ZCRB1: variants seen among roughly 807,000 people sequenced by gnomAD.
The protein encoded by ZCRB1 is zinc finger CCHC-type and RNA-binding motif-containing protein 1.
Under a neutral mutation model 29.9 loss-of-function variants are expected in ZCRB1, and 21 were observed. The ratio of observed to expected loss-of-function variants is 0.70; its 90% CI spans 0.50 to 1.01. The LOEUF (loss-of-function observed/expected upper bound fraction) is 1.01, where lower values mean the gene tolerates loss of function less well. Ranked by LOEUF, ZCRB1 falls within the 50% of genes least tolerant of loss-of-function variation. The probability of loss-of-function intolerance (pLI) is 0.00; values close to 1 mark genes in which losing one functional copy is unlikely to be tolerated. For synonymous variants in ZCRB1, 77 were observed against 80.0 expected (o/e 0.96, Z 0.20); for missense variants, 204 against 253.3 (o/e 0.81, Z 1.32).
intron 1 of ZCRB1, 172 bp downstream of exon 1, chr12:42,325,752 G>A (rs965330139): frequency 5.3e-5 from 8 of 152,224 alleles, no homozygotes; most frequent in Admixed American, 1.3e-4. Flanking sequence ...CGCTTTTTAA[G>A]TTTCTCATTT....
chr12:42,313,434 A>C (rs1004464708), intron 7 of ZCRB1, among the ~76,000 whole-genome samples: 2 of 152,150 alleles, frequency 1.3e-5, no homozygotes, highest in Non-Finnish European at 2.9e-5. Context: ...ATTCACTTTG[A>C]GCAAATAGTT....
chr12:42,317,208 TA>T, intron 5 of ZCRB1, 131 bp downstream of exon 5: 1 of 624,386 alleles, frequency 1.6e-6, no homozygotes, highest in Admixed American at 3.5e-5. Context: ...CTCAAAAAAA[TA>T]AATATTAAAA....
intron 3 of ZCRB1, among the ~76,000 whole-genome samples, chr12:42,319,793 T>C (rs999566506): frequency 6.6e-6 from 1 of 152,248 alleles, no homozygotes; most frequent in Admixed American, 6.5e-5. Context: ...TGTTGATTGA[T>C]AGATATACCT....
At position 42,313,038 on chromosome 12, in the gene ZCRB1, G is replaced by T; in HGVS notation, c.*29C>A. On this transcript the variant is annotated 3_prime_UTR_variant, in exon 8 of 8. Transcript: ENST00000266529. ...TTCAAGATTGTTACTAACAAATCTT[G>T]ATTTTTATTACTGTGCTGGGGCAAG... 1 of 1,500,678 alleles carries T rather than the reference G, an allele frequency of 6.7e-7. No homozygotes were observed. Among genetic ancestry groups the T allele is most frequent in the Non-Finnish European group, 8.9e-7 (1 of 1,125,940 alleles). 93.0% of individuals were successfully genotyped at this position (1,500,678 alleles called of 1,614,324 possible).
rs758078383 is a variant in ZCRB1 at position 42,317,943 on chromosome 12, A to G, written c.114-45T>C. The G allele has an allele frequency of 1.9e-5, 28 of 1,449,780 alleles. No individual in the cohort carries two copies. In the Middle Eastern group the frequency reaches 3.2e-3, roughly 166 times the overall value. The allele number at this position is 1,449,780 out of a possible 1,614,324, so 89.8% of individuals were successfully genotyped here. On this transcript the variant is annotated intron_variant, in intron 3 of 7. Transcript: ENST00000266529. The stretch of plus-strand genomic sequence containing the variant: ...GTTAAAAATGAGGCAGCAATAAATA[A>G]AACAGATACTAATACTTGAAAAATT...
chr12:42,319,983 C>A (rs569888447), intron 3 of ZCRB1, among the ~76,000 whole-genome samples: 1 of 152,098 alleles, frequency 6.6e-6, no homozygotes, highest in South Asian at 2.1e-4. Context: ...TAGAGACAGA[C>A]CAACAAACCA....
At chr12:42,320,313 T>C (rs973301791) in intron 3 of ZCRB1, among the ~76,000 whole-genome samples, 1 of 152,216 alleles carries the variant, frequency 6.6e-6, no homozygotes, top group Non-Finnish European at 1.5e-5. Context: ...ACCCACTTTA[T>C]TTCATAATGA....
chr12:42,313,960 A>C lies in ZCRB1; in HGVS notation c.360T>G (p.Cys120Trp). ...CGESGHLSYA[C>W]PKNMLGEREP... is the part of the protein sequence containing the mutation. The stretch of plus-strand genomic sequence containing the variant: ...CACGTTCTCCGAGCATATTTTTCGG[A>C]CAGGCATAACTTAAGTGTCCACTTT... Residue 120 changes from cysteine to tryptophan, a missense_variant, in exon 6 of 8, where the codon TGT becomes TGG. Coordinates refer to ENST00000266529, the MANE Select transcript of ZCRB1 (RefSeq NM_033114.4). 1 of 1,601,560 alleles carries C rather than the reference A, an allele frequency of 6.2e-7. No homozygotes were observed. The highest frequency in any genetic ancestry group is 8.5e-7 in the Non-Finnish European group (1 of 1,177,472).
At chr12:42,315,474 G>C (rs1438960574) in intron 5 of ZCRB1, among the ~76,000 whole-genome samples, 3 of 152,064 alleles carry the variant, frequency 2.0e-5, no homozygotes, top group Admixed American at 6.6e-5. Context: ...TGAGAAAATA[G>C]AGACACATAT....
chr12:42,317,733 G>T, intron 4 of ZCRB1, 54 bp downstream of exon 4: 1 of 1,516,626 alleles, frequency 6.6e-7, no homozygotes, highest in Non-Finnish European at 9.1e-7. Context: ...TTTTTGGCCT[G>T]GATGAGCATA....
At chr12:42,317,727 TGGCCTGGATGAG>T in intron 4 of ZCRB1, 48 bp downstream of exon 4, 2 of 1,409,908 alleles carry the variant, frequency 1.4e-6, no homozygotes, top group South Asian at 1.2e-5. Context: ...CCCACATTTT[TGGCCTGGATGAG>T]CATAAAGGCT....
At chr12:42,317,261 T>C in intron 5 of ZCRB1, 79 bp downstream of exon 5, 1 of 995,678 alleles carries the variant, frequency 1.0e-6, no homozygotes. Flanking sequence ...GTCAGAAGTT[T>C]TGGTGAGCAA....
intron 5 of ZCRB1, 97 bp from the exon 6 acceptor site, chr12:42,314,083 T>A (rs1160926717): frequency 1.6e-6 from 2 of 1,253,056 alleles, no homozygotes; most frequent in African/African-American, 3.1e-5. Flanking sequence ...TTTTCAAATT[T>A]AAAAAGGAAT....
At chr12:42,317,929 G>A in intron 3 of ZCRB1, 31 bp from the exon 4 acceptor site, 1 of 1,549,636 alleles carries the variant, frequency 6.5e-7, no homozygotes, top group Non-Finnish European at 8.8e-7. Flanking sequence ...TTAAAAATGA[G>A]GCAGCAATAA....
At chr12:42,314,680 C>T (rs1364968481) in intron 5 of ZCRB1, among the ~76,000 whole-genome samples, 1 of 152,072 alleles carries the variant, frequency 6.6e-6, no homozygotes, top group African/African-American at 2.4e-5. Context: ...TGTTAATTTC[C>T]AAGATGTTGC....
At chr12:42,320,274 C>A (rs562927497) in intron 3 of ZCRB1, among the ~76,000 whole-genome samples, 3 of 152,200 alleles carry the variant, frequency 2.0e-5, no homozygotes, top group South Asian at 2.1e-4. Context: ...TAAATAGTAC[C>A]CACTTTGCTT....
chr12:42,312,881 C>T lies in ZCRB1; in HGVS notation c.*186G>A. Reference sequence around the variant, plus strand: ...TTAATTTCAGAAGTCCTCATGTAAACAAATCAGGCATGAATAAAGCCCTTA... The same window carrying T: ...TTAATTTCAGAAGTCCTCATGTAAATAAATCAGGCATGAATAAAGCCCTTA... On this transcript the variant is annotated 3_prime_UTR_variant, in exon 8 of 8. Coordinates refer to ENST00000266529, the MANE Select transcript of ZCRB1 (RefSeq NM_033114.4). The T allele has an allele frequency of 1.9e-6, 1 of 530,514 alleles. No individual in the cohort carries two copies. Among genetic ancestry groups the T allele is most frequent in the Non-Finnish European group, 2.7e-6 (1 of 364,608 alleles). The allele number at this position is 530,514 out of a possible 1,614,324, so 32.9% of individuals were successfully genotyped here. A position where few individuals can be genotyped will look rare whatever the true frequency, so the allele number is the denominator to read the frequency against.
intron 2 of ZCRB1, among the ~76,000 whole-genome samples, chr12:42,322,702 G>A (rs2068627885): frequency 6.6e-6 from 1 of 152,188 alleles, no homozygotes; most frequent in Admixed American, 6.5e-5. Context: ...CTCTACACAT[G>A]TGGTAGATCT....
chr12:42,313,698 C>T lies in ZCRB1; in HGVS notation c.514G>A (p.Ala172Thr), dbSNP rs773890608. 4.3e-6 allele frequency: 7 copies of T among 1,613,618 alleles called. No homozygotes were observed. Among genetic ancestry groups the T allele is most frequent in the Non-Finnish European group, 5.9e-6 (7 of 1,179,828 alleles). The part of the protein sequence containing the change: ...PALDSLSQAI[A>T]FQQAKIEEEQ... ...AAAGAACAATTTAATACCTGGAATGCTATGGCCTGACTGAGGCTGTCAAGA... is the reference window on the plus strand; with the variant it reads ...AAAGAACAATTTAATACCTGGAATGTTATGGCCTGACTGAGGCTGTCAAGA... The change falls in exon 7 of 8, where the codon GCA becomes ACA. Residue 172 changes from alanine (A) to threonine (T), a missense_variant. Physicochemically the swap from Ala to Thr is moderately conservative, Grantham distance 58. Transcript: ENST00000266529.
Sources: allele counts gnomAD v4.1 joint callset (sites outside exome capture counted in the v4.1 genomes callset), GRCh38; gene constraint gnomAD v4.1.1; transcripts MANE v1.5; gene names NCBI Gene and HGNC (gene_info 2026-07-23, HGNC 2026-07-21).